COX7B2: variants seen among roughly 807,000 people sequenced by gnomAD.
COX7B2 encodes cytochrome c oxidase subunit 7B2, also known as cytochrome c oxidase subunit 7B2, mitochondrial.
For synonymous variants in COX7B2, 37 were observed against 32.1 expected (o/e 1.15, Z -0.51); for missense variants, 109 against 95.9 (o/e 1.14, Z -0.57).
intron 2 of COX7B2, among the ~76,000 whole-genome samples, chr4:46,750,778 G>C (rs1715325282): frequency 6.6e-6 from 1 of 152,192 alleles, no homozygotes; most frequent in Admixed American, 6.6e-5. Context: ...CTCTTTTGCA[G>C]ACTTCCAGAT....
intron 2 of COX7B2, among the ~76,000 whole-genome samples, chr4:46,752,629 G>A (rs1715463149): frequency 1.3e-5 from 2 of 152,092 alleles, no homozygotes; most frequent in African/African-American, 2.4e-5. Flanking sequence ...TTAGCATAAA[G>A]GGCTGTTGAA....
chr4:46,845,206 C>G (rs891792752), intron 1 of COX7B2, among the ~76,000 whole-genome samples, 192 bp from the exon 2 acceptor site: 1 of 151,970 alleles, frequency 6.6e-6, no homozygotes, highest in African/African-American at 2.4e-5. Flanking sequence ...TCGTAAAGCA[C>G]ATGACAAGGG....
chr4:46,813,710 C>G (rs888007993), intron 2 of COX7B2, among the ~76,000 whole-genome samples: 1 of 151,942 alleles, frequency 6.6e-6, no homozygotes, highest in Non-Finnish European at 1.5e-5. Flanking sequence ...TATCCCAGAA[C>G]TTAAAATAAA....
intron 2 of COX7B2, among the ~76,000 whole-genome samples, chr4:46,772,059 A>G: frequency 7.0e-6 from 1 of 142,808 alleles, no homozygotes; most frequent in East Asian, 2.1e-4. Context: ...ATCATCAGAT[A>G]AATATATTAA....
At chr4:46,897,121 T>C (rs1473989314) in intron 1 of COX7B2, among the ~76,000 whole-genome samples, 2 of 152,164 alleles carry the variant, frequency 1.3e-5, no homozygotes, top group Non-Finnish European at 2.9e-5. Flanking sequence ...AAATGTCCTA[T>C]GTTAGCCTCA....
chr4:46,803,063 A>G (rs1182658338), intron 2 of COX7B2, among the ~76,000 whole-genome samples: 1 of 152,166 alleles, frequency 6.6e-6, no homozygotes, highest in Non-Finnish European at 1.5e-5. Flanking sequence ...ATCTGTGATA[A>G]ATATTTTTAT....
In COX7B2 at chr4:46,735,165, G is replaced by T. The variant is rs145509518; in HGVS notation, c.28C>A (p.Leu10Ile). The change falls in exon 3 of 3, where the codon CTA becomes ATA. Residue 10 changes from leucine to isoleucine, a missense_variant. Coordinates refer to ENST00000355591, the MANE Select transcript of COX7B2 (RefSeq NM_130902.3). The stretch of plus-strand genomic sequence containing the variant: ...ATGCTTTGAATCTTGAGACTGCTTA[G>T]TGCATTTCTGGCCAAGGGAAACATC... MMFPLARNA[L>I]SSLKIQSILQ... 4 of 1,613,328 alleles carry T rather than the reference G, an allele frequency of 2.5e-6. No individual in the cohort carries two copies. In the African/African-American group the frequency reaches 5.3e-5, roughly 22 times the overall value.
chr4:46,735,295 C>A, intron 2 of COX7B2, 54 bp from the exon 3 acceptor site: 1 of 1,315,694 alleles, frequency 7.6e-7, no homozygotes, highest in South Asian at 1.3e-5. Flanking sequence ...CAATTCCTTC[C>A]GCTTTGAATG....
chr4:46,765,033 A>AT (rs569576626), intron 2 of COX7B2, among the ~76,000 whole-genome samples: 81 of 152,022 alleles, frequency 5.3e-4, no homozygotes, highest in South Asian at 1.9e-3. Context: ...AATAAAATGC[A>AT]TTTTTTTCAT....
At chr4:46,754,696 ACG>A (rs1715645122) in intron 2 of COX7B2, among the ~76,000 whole-genome samples, 3 of 69,310 alleles carry the variant, frequency 4.3e-5, no homozygotes, top group Admixed American at 2.0e-4. Context: ...ACAATAAAAT[ACG>A]TGTGTGTGTG....
chr4:46,856,586 G>A (rs571649884), intron 1 of COX7B2, among the ~76,000 whole-genome samples: 2 of 152,102 alleles, frequency 1.3e-5, no homozygotes, highest in Non-Finnish European at 2.9e-5. Flanking sequence ...AGCCAAAAAT[G>A]ACATCAAAAC....
chr4:46,743,955 T>A (rs1714864956), intron 2 of COX7B2, among the ~76,000 whole-genome samples: 1 of 151,932 alleles, frequency 6.6e-6, no homozygotes, highest in Non-Finnish European at 1.5e-5. Flanking sequence ...ATTCAAGGAG[T>A]ACAGGGTGTG....
intron 1 of COX7B2, among the ~76,000 whole-genome samples, chr4:46,897,428 G>A (rs1302484451): frequency 2.0e-5 from 3 of 152,172 alleles, no homozygotes; most frequent in Non-Finnish European, 4.4e-5. Flanking sequence ...CCCCTCTTGA[G>A]TATTAAGAAA....
At chr4:46,867,404 T>C (rs1717730338) in intron 1 of COX7B2, among the ~76,000 whole-genome samples, 1 of 152,200 alleles carries the variant, frequency 6.6e-6, no homozygotes. Flanking sequence ...AACCAGCCAA[T>C]GGTGTCAAAG....
intron 2 of COX7B2, among the ~76,000 whole-genome samples, chr4:46,801,220 A>G (rs1369352495): frequency 6.6e-6 from 1 of 152,130 alleles, no homozygotes; most frequent in Non-Finnish European, 1.5e-5. Context: ...TAACCCAGTG[A>G]TCCTAATACT....
At chr4:46,779,321 G>C (rs1362352923) in intron 2 of COX7B2, among the ~76,000 whole-genome samples, 1 of 151,986 alleles carries the variant, frequency 6.6e-6, no homozygotes. Context: ...CTGTTCTTTA[G>C]GTTCATTCAT....
intron 2 of COX7B2, among the ~76,000 whole-genome samples, chr4:46,737,173 A>G (rs1446328537): frequency 2.0e-5 from 3 of 152,106 alleles, no homozygotes; most frequent in African/African-American, 7.2e-5. Context: ...TTTCATTTGC[A>G]GTTCCCTGAT....
At chr4:46,873,487 C>G (rs1455202198) in intron 1 of COX7B2, among the ~76,000 whole-genome samples, 9 of 151,952 alleles carry the variant, frequency 5.9e-5, no homozygotes, top group Non-Finnish European at 5.9e-5. Context: ...TCTGTTGTTT[C>G]CTGACTTTTT....
chr4:46,771,815 G>A (rs1052804034), intron 2 of COX7B2, among the ~76,000 whole-genome samples: 1 of 152,040 alleles, frequency 6.6e-6, no homozygotes, highest in African/African-American at 2.4e-5. Context: ...AAGTATTTCA[G>A]ATAAGGAATA....
Sources: allele counts gnomAD v4.1 joint callset (sites outside exome capture counted in the v4.1 genomes callset), GRCh38; gene constraint gnomAD v4.1.1; transcripts MANE v1.5; gene names NCBI Gene and HGNC (gene_info 2026-07-23, HGNC 2026-07-21).